Variants in QKI observed in about 807,000 individuals in gnomAD.
QKI encodes QKI, KH domain containing RNA binding.
Under a neutral mutation model 39.0 loss-of-function variants are expected in QKI, and 10 were observed. The ratio of observed to expected loss-of-function variants is 0.26; its 90% CI spans 0.16 to 0.43. The LOEUF (loss-of-function observed/expected upper bound fraction) is 0.43, where lower values mean the gene tolerates loss of function less well. Ranked by LOEUF, QKI falls within the 20% of genes least tolerant of loss-of-function variation. QKI has a pLI of 1.00. For missense variants in QKI, 218 were observed against 428.0 expected (o/e 0.51, Z 4.33); for synonymous variants, 204 against 155.4 (o/e 1.31, Z -2.33).
rs539617678 is a variant in QKI, at chr6:163,495,781, T to C, written c.402+16885T>C. 3.0e-4 allele frequency among the ~76,000 whole-genome samples: 46 copies of C among 152,290 alleles called. No individual in the cohort carries two copies. In the South Asian group the frequency reaches 9.3e-3, roughly 31 times the overall value. ...TTTCTTCATGACTAGATTCAGGCCA[T>C]GCATTTTTCACAAGAATGTTTTAAA... On this transcript the variant is annotated intron_variant, in intron 3 of 7. Coordinates refer to ENST00000361752, the MANE Select transcript of QKI (RefSeq NM_006775.3).
chr6:163,495,919 T>G (rs1238636252), intron 3 of QKI, among the ~76,000 whole-genome samples: 2 of 152,214 alleles, frequency 1.3e-5, no homozygotes, highest in Non-Finnish European at 2.9e-5. Flanking sequence ...AGTTATGTAT[T>G]GTCACCGTAA....
At chr6:163,496,482 T>G (rs1778419315) in intron 3 of QKI, among the ~76,000 whole-genome samples, 1 of 152,210 alleles carries the variant, frequency 6.6e-6, no homozygotes, top group Non-Finnish European at 1.5e-5. Flanking sequence ...ACTACTACAT[T>G]GTGCCTTTCC....
chr6:163,529,337 C>T (rs539593209), intron 3 of QKI, among the ~76,000 whole-genome samples: 1 of 152,248 alleles, frequency 6.6e-6, no homozygotes, highest in South Asian at 2.1e-4. Context: ...TTGAATGATG[C>T]TCTTCAATCA....
intron 2 of QKI, among the ~76,000 whole-genome samples, chr6:163,465,612 G>A (rs1791678027): frequency 7.5e-6 from 1 of 133,502 alleles, no homozygotes; most frequent in South Asian, 2.4e-4. Context: ...CTGGGCAACA[G>A]AGCAAGACTG....
At chr6:163,539,940 T>C (rs2128242627) in intron 4 of QKI, among the ~76,000 whole-genome samples, 1 of 152,150 alleles carries the variant, frequency 6.6e-6, no homozygotes, top group East Asian at 2.0e-4. Context: ...TCTTGGTTCT[T>C]ATAACTATTT....
chr6:163,497,976 A>G (rs1400264513), intron 3 of QKI, among the ~76,000 whole-genome samples: 1 of 152,116 alleles, frequency 6.6e-6, no homozygotes, highest in African/African-American at 2.4e-5. Context: ...CTGCGGCCTT[A>G]TGAAGTTTTT....
At chr6:163,522,241 CAAAT>C (rs562705161) in intron 3 of QKI, among the ~76,000 whole-genome samples, 11 of 152,268 alleles carry the variant, frequency 7.2e-5, no homozygotes, top group African/African-American at 2.4e-4. Context: ...CCCTCAATTG[CAAAT>C]AAATAGTTAC....
chr6:163,561,684 C>T (rs1783025412), intron 4 of QKI, among the ~76,000 whole-genome samples: 1 of 152,120 alleles, frequency 6.6e-6, no homozygotes, highest in Non-Finnish European at 1.5e-5. Flanking sequence ...AGTCTTATCT[C>T]ACATTTTCAT....
At chr6:163,558,486 G>A (rs1472566954) in intron 4 of QKI, among the ~76,000 whole-genome samples, 1 of 146,644 alleles carries the variant, frequency 6.8e-6, no homozygotes, top group Non-Finnish European at 1.5e-5. Context: ...TGCAACCTCC[G>A]CCTTCCAAGT....
rs572043999 is a variant in QKI at position 163,487,194 on chromosome 6, C to A, written c.402+8298C>A. ...GCATGGATATAGTTTTTTTTTTTTA[C>A]GTTTTCATTATGCAAAATTTTAAGC... On this transcript the variant is annotated intron_variant, in intron 3 of 7. Coordinates refer to ENST00000361752, the MANE Select transcript of QKI (RefSeq NM_006775.3). 5.3e-5 allele frequency among the ~76,000 whole-genome samples: 8 copies of A among 149,840 alleles called. No homozygotes were observed. The South Asian group carries it at 1.3e-3, about 24-fold the overall frequency.
At chr6:163,454,303 A>G (rs1280784958) in intron 1 of QKI, among the ~76,000 whole-genome samples, 1 of 152,086 alleles carries the variant, frequency 6.6e-6, no homozygotes, top group Non-Finnish European at 1.5e-5. Context: ...GAATTCTCCT[A>G]CTTTTAAAAA....
Position 163,423,873 on chromosome 6 carries a change from T to C in QKI, c.142+8538T>C, listed in dbSNP as rs376354331. ...GGCTGGGTGATTTAATAGAGAAGTA[T>C]GCTATTGCTAAGTGATTCAAGTTAG... is the stretch of plus-strand genomic sequence containing the variant. On this transcript the variant is annotated intron_variant, in intron 1 of 7. Transcript: ENST00000361752. 7.2e-5 allele frequency among the ~76,000 whole-genome samples: 11 copies of C among 152,366 alleles called. No individual in the cohort carries two copies. In the East Asian group the frequency reaches 2.1e-3, roughly 29 times the overall value.
At chr6:163,542,346 TCTC>T (rs558449284) in intron 4 of QKI, among the ~76,000 whole-genome samples, 275 of 152,162 alleles carry the variant, frequency 1.8e-3, no homozygotes, top group Non-Finnish European at 3.3e-3. Flanking sequence ...TTTGTGATCT[TCTC>T]AGAAGAGACC....
chr6:163,486,473 C>G (rs1047344589), intron 3 of QKI, among the ~76,000 whole-genome samples: 2 of 152,134 alleles, frequency 1.3e-5, no homozygotes, highest in East Asian at 3.9e-4. Context: ...TTTTGTTTTG[C>G]AGGACTTGTT....
At chr6:163,551,810 G>T (rs1474216352) in intron 4 of QKI, among the ~76,000 whole-genome samples, 1 of 152,212 alleles carries the variant, frequency 6.6e-6, no homozygotes, top group East Asian at 1.9e-4. Context: ...TGGAAGTCTT[G>T]TAAGAGCAGT....
chr6:163,451,881 C>T (rs928430438), intron 1 of QKI, among the ~76,000 whole-genome samples: 4 of 152,184 alleles, frequency 2.6e-5, no homozygotes, highest in African/African-American at 4.8e-5. Flanking sequence ...AACCCGTACT[C>T]GTTGCATGTT....
At chr6:163,547,337 T>G (rs1781947236) in intron 4 of QKI, among the ~76,000 whole-genome samples, 1 of 152,164 alleles carries the variant, frequency 6.6e-6, no homozygotes, top group Non-Finnish European at 1.5e-5. Flanking sequence ...AGAACAAAAT[T>G]ACTGTGTTCT....
At chr6:163,539,109 T>A (rs1023934655) in intron 4 of QKI, among the ~76,000 whole-genome samples, 2 of 152,078 alleles carry the variant, frequency 1.3e-5, no homozygotes, top group African/African-American at 4.8e-5. Context: ...GAAGAAAAAT[T>A]GAGGACTAAA....
In QKI at chr6:163,415,049, TCGGCGCGGGAGCCAGAGCGGGAGC is replaced by T; in HGVS notation, c.-136_-113del. The T allele has an allele frequency of 1.2e-6, 1 of 843,558 alleles. No individual in the cohort carries two copies. Among genetic ancestry groups the T allele is most frequent in the Non-Finnish European group, 1.4e-6 (1 of 706,898 alleles). The allele number at this position is 843,558 out of a possible 1,614,324, so 52.3% of individuals were successfully genotyped here. A position where few individuals can be genotyped will look rare whatever the true frequency, so the allele number is the denominator to read the frequency against. On this transcript the variant is annotated 5_prime_UTR_variant, in exon 1 of 8. Coordinates refer to ENST00000361752, the MANE Select transcript of QKI (RefSeq NM_006775.3). ...CGCGCGGTGCCGGCCGCCCCGGGGC[TCGGCGCGGGAGCCAGAGCGGGAGC>T]CGGCGCGGAGCGGGACGCCGGGTCC...
Sources: gnomAD v4.1 joint callset for allele counts (sites outside exome capture counted in the v4.1 genomes callset) on GRCh38, gnomAD v4.1.1 for gene constraint, MANE v1.5 for transcripts, NCBI Gene and HGNC (gene_info 2026-07-23, HGNC 2026-07-21) for gene names.